The following FNIP1 variants were observed in gnomAD, a reference collection of about 807,000 sequenced individuals.
The protein encoded by FNIP1 is folliculin interacting protein 1.
A neutral mutation model predicts 124.5 loss-of-function variants in FNIP1; 40 were observed. The ratio of observed to expected loss-of-function variants is 0.32; its 90% CI spans 0.25 to 0.42. The LOEUF is 0.42. Among genes scored for constraint, FNIP1 ranks in the 10% least tolerant of loss-of-function variants. The pLI, the probability that FNIP1 is intolerant of heterozygous loss-of-function variation, is 1.00. For synonymous variants in FNIP1, 472 were observed against 470.6 expected, an observed-to-expected ratio of 1.00 and a Z score of -0.04; for missense variants, 1,176 against 1,403.7, an observed-to-expected ratio of 0.84 and a Z score of 2.59.
intron 4 of FNIP1, 89 bp downstream of exon 4, chr5:131,719,228 T>A: frequency 1.6e-6 from 2 of 1,250,706 alleles, no homozygotes; most frequent in Non-Finnish European, 2.3e-6. Context: ...ACAAGCTCAA[T>A]CTGAGTGAAG....
chr5:131,716,596 GTTA>G lies in FNIP1; in HGVS notation c.588_590del (p.Asn197del). On this transcript the variant is annotated inframe_deletion, in exon 6 of 18. Transcript: ENST00000510461. Reference sequence around the variant, plus strand: ...TTCCAAGCAGTCCATTAATAACTGTGTTATTATCAGCCTTTAATGTATTGTTGT... The same window carrying G: ...TTCCAAGCAGTCCATTAATAACTGTGTTATCAGCCTTTAATGTATTGTTGT... 1.2e-6 allele frequency: 2 copies of G among 1,606,062 alleles called. No homozygotes were observed. The highest frequency in any genetic ancestry group is 4.5e-5 in the East Asian group (2 of 44,360).
chr5:131,779,147 TAA>T (rs78900804), intron 1 of FNIP1, among the ~76,000 whole-genome samples: 10 of 122,772 alleles, frequency 8.1e-5, no homozygotes, highest in Admixed American at 1.6e-4. Flanking sequence ...AAAGTATAAT[TAA>T]AAAAAAAAAA....
chr5:131,734,273 C>T (rs1770206797), intron 2 of FNIP1, among the ~76,000 whole-genome samples: 1 of 152,082 alleles, frequency 6.6e-6, no homozygotes, highest in South Asian at 2.1e-4. Context: ...TTTCAAAAAA[C>T]CAGCTCCTGG....
At position 131,668,434 on chromosome 5, in the gene FNIP1, C is replaced by T. The variant is rs143739375; in HGVS notation, c.3108+2029G>A. Among the ~76,000 whole-genome samples the T allele has an allele frequency of 4.8e-3, 733 of 152,218 alleles. 2 individuals carry two copies. The highest frequency in any genetic ancestry group is 0.01 in the South Asian group (50 of 4,822). ...GGTGCGGTGGCTCACGCCTATAATCCCAGCACTTTGGGAGGCTGAGGTGGG... is the reference window on the plus strand; with the variant it reads ...GGTGCGGTGGCTCACGCCTATAATCTCAGCACTTTGGGAGGCTGAGGTGGG... On this transcript the variant is annotated intron_variant, in intron 15 of 17. Coordinates refer to ENST00000510461, the MANE Select transcript of FNIP1 (RefSeq NM_133372.3).
chr5:131,774,287 C>T (rs1052062165), intron 1 of FNIP1, among the ~76,000 whole-genome samples: 1 of 152,214 alleles, frequency 6.6e-6, no homozygotes, highest in African/African-American at 2.4e-5. Flanking sequence ...CTTGGCCTCC[C>T]AAATTGCTAA....
intron 3 of FNIP1, among the ~76,000 whole-genome samples, chr5:131,729,531 A>T (rs1399153486): frequency 6.6e-6 from 1 of 152,164 alleles, no homozygotes; most frequent in Non-Finnish European, 1.5e-5. Context: ...TCTCACTGGG[A>T]GCTACAGACC....
At position 131,702,640 on chromosome 5, in the gene FNIP1, G is replaced by A. The variant is rs946370731; in HGVS notation, c.1116+1425C>T. Among the ~76,000 whole-genome samples, 4 of 152,030 alleles carry A rather than the reference G, an allele frequency of 2.6e-5. No homozygotes were observed. The East Asian group carries it at 7.7e-4, about 29-fold the overall frequency. On this transcript the variant is annotated intron_variant, in intron 10 of 17. Coordinates refer to ENST00000510461, the MANE Select transcript of FNIP1 (RefSeq NM_133372.3). Reference sequence around the variant, plus strand: ...GTCCAAATGAAACTTCTTCCCAATAGGAAGTCATTTCACTTTCCCCCAAAT... The same window carrying A: ...GTCCAAATGAAACTTCTTCCCAATAAGAAGTCATTTCACTTTCCCCCAAAT...
intron 1 of FNIP1, among the ~76,000 whole-genome samples, chr5:131,793,734 T>G (rs1772485823): frequency 6.6e-6 from 1 of 152,206 alleles, no homozygotes; most frequent in African/African-American, 2.4e-5. Context: ...TTACAATTAC[T>G]GAGCTTTGTA....
At chr5:131,694,171 A>C (rs1424487896) in intron 11 of FNIP1, among the ~76,000 whole-genome samples, 2 of 152,244 alleles carry the variant, frequency 1.3e-5, no homozygotes, top group Non-Finnish European at 2.9e-5. Context: ...ATCATTTCTT[A>C]CAAAGCTAAA....
intron 2 of FNIP1, 124 bp downstream of exon 2, chr5:131,744,440 T>C: frequency 1.1e-6 from 1 of 934,022 alleles, no homozygotes; most frequent in Non-Finnish European, 1.5e-6. Flanking sequence ...AAACATTTCC[T>C]TCTCCCTCAG....
intron 13 of FNIP1, 21 bp downstream of exon 13, chr5:131,677,682 A>C: frequency 6.2e-7 from 1 of 1,606,264 alleles, no homozygotes; most frequent in Non-Finnish European, 8.5e-7. Context: ...TACATAGTGT[A>C]ACAGTTGTCA....
chr5:131,750,729 C>T (rs1196078699), intron 1 of FNIP1, among the ~76,000 whole-genome samples: 2 of 151,916 alleles, frequency 1.3e-5, no homozygotes, highest in Non-Finnish European at 2.9e-5. Context: ...TCTTGTGCCC[C>T]AGCCTCCCAA....
intron 3 of FNIP1, among the ~76,000 whole-genome samples, chr5:131,726,626 T>C (rs977440584): frequency 2.0e-5 from 3 of 152,212 alleles, no homozygotes; most frequent in African/African-American, 4.8e-5. Flanking sequence ...CCTGGATTCA[T>C]TGATTTTTTG....
intron 1 of FNIP1, among the ~76,000 whole-genome samples, chr5:131,758,326 C>CT: frequency 6.6e-6 from 1 of 152,310 alleles, no homozygotes; most frequent in East Asian, 1.9e-4. Context: ...TAGCCCTACT[C>CT]TGTCTTCACT....
chr5:131,732,862 G>A (rs1770145786), intron 2 of FNIP1, among the ~76,000 whole-genome samples: 1 of 152,192 alleles, frequency 6.6e-6, no homozygotes, highest in Admixed American at 6.5e-5. Context: ...CCAATTCTGT[G>A]AAGAAAGTCA....
At chr5:131,746,005 G>C (rs1298681271) in intron 1 of FNIP1, among the ~76,000 whole-genome samples, 1 of 152,220 alleles carries the variant, frequency 6.6e-6, no homozygotes, top group African/African-American at 2.4e-5. Flanking sequence ...GTTTTGACCA[G>C]ATAGTGCTGA....
At chr5:131,733,608 T>C (rs1770180110) in intron 2 of FNIP1, among the ~76,000 whole-genome samples, 1 of 152,214 alleles carries the variant, frequency 6.6e-6, no homozygotes, top group South Asian at 2.1e-4. Context: ...TGTCTTTGGT[T>C]CTGTTTATAT....
At chr5:131,673,258 G>A (rs1358050547) in intron 13 of FNIP1, among the ~76,000 whole-genome samples, 1 of 150,174 alleles carries the variant, frequency 6.7e-6, no homozygotes, top group African/African-American at 2.5e-5. Flanking sequence ...GTTTTGCCAT[G>A]TTTCCTAGGG....
At chr5:131,795,117 A>T (rs530055078) in intron 1 of FNIP1, among the ~76,000 whole-genome samples, 1 of 152,266 alleles carries the variant, frequency 6.6e-6, no homozygotes, top group Admixed American at 6.5e-5. Flanking sequence ...ATTCTGTTTC[A>T]TCAGTTTTCA....
Sources: gnomAD v4.1 joint callset for allele counts (sites outside exome capture counted in the v4.1 genomes callset) on GRCh38, gnomAD v4.1.1 for gene constraint, MANE v1.5 for transcripts, NCBI Gene and HGNC (gene_info 2026-07-23, HGNC 2026-07-21) for gene names.